Variants in P3H2 observed in about 807,000 individuals in gnomAD.
The protein encoded by P3H2 is prolyl 3-hydroxylase 2.
P3H2 carries 80 observed loss-of-function variants against 87.0 expected under a neutral mutation model. The observed-to-expected ratio is 0.92, with a 90% CI of 0.77 to 1.11. P3H2 has a LOEUF of 1.11. P3H2 is among the 50% of genes least tolerant of loss of function. The pLI, the probability that P3H2 is intolerant of heterozygous loss-of-function variation, is 0.00. For synonymous variants in P3H2, 367 were observed against 359.3 expected (o/e 1.02, Z -0.24); for missense variants, 1,001 against 923.9 (o/e 1.08, Z -1.08).
chr3:190,010,182 GTCA>G lies in P3H2; in HGVS notation c.481-14743_481-14741del, dbSNP rs10578177. 4.6e-3 allele frequency among the ~76,000 whole-genome samples: 706 copies of G among 152,214 alleles called. 14 individuals carry two copies. The highest frequency in any genetic ancestry group is 0.023 in the Admixed American group (350 of 15,300). On this transcript the variant is annotated intron_variant, in intron 1 of 14. Transcript: ENST00000319332. ...AGAATGTTAATATAAATAATCTTAA[GTCA>G]TCATCATGTGTAGACTGGGCAGATA...
intron 1 of P3H2, among the ~76,000 whole-genome samples, chr3:190,062,865 C>T (rs1026924613): frequency 1.4e-4 from 22 of 152,030 alleles, no homozygotes; most frequent in Non-Finnish European, 2.8e-4. Flanking sequence ...AAGACCCTGG[C>T]ATAATGAACT....
chr3:190,082,553 ATT>A (rs1727077206), intron 1 of P3H2, among the ~76,000 whole-genome samples: 1 of 152,172 alleles, frequency 6.6e-6, no homozygotes, highest in South Asian at 2.1e-4. Context: ...TTTATCTGTT[ATT>A]TGTGCTAGGA....
At position 190,092,408 on chromosome 3, in the gene P3H2, A is replaced by C. The variant is rs185756763; in HGVS notation, c.480+27844T>G. Among the ~76,000 whole-genome samples, 3 of 152,366 alleles carry C rather than the reference A, an allele frequency of 2.0e-5. No individual in the cohort carries two copies. In the East Asian group the frequency reaches 5.8e-4, roughly 29 times the overall value. On this transcript the variant is annotated intron_variant, in intron 1 of 14. Coordinates refer to ENST00000319332, the MANE Select transcript of P3H2 (RefSeq NM_018192.4). ...TTTGTCAATCTTTGGTTTGCTAAAA[A>C]GCAAAACCCTCCAAGAAGACAGTTG...
chr3:190,089,593 A>G (rs1727345032), intron 1 of P3H2, among the ~76,000 whole-genome samples: 1 of 152,188 alleles, frequency 6.6e-6, no homozygotes. Context: ...GTGGTCACAC[A>G]TACCTTATGC....
intron 1 of P3H2, among the ~76,000 whole-genome samples, chr3:190,044,569 A>C (rs1013631144): frequency 5.3e-5 from 8 of 152,352 alleles, no homozygotes; most frequent in Admixed American, 2.0e-4. Context: ...GGGACACTTC[A>C]TTAATTCTGC....
chr3:190,012,236 G>A (rs1724615482), intron 1 of P3H2, among the ~76,000 whole-genome samples: 1 of 128,722 alleles, frequency 7.8e-6, no homozygotes, highest in African/African-American at 2.7e-5. Context: ...GTGTGTGTGT[G>A]TGTGTAGTGG....
At chr3:189,964,731 C>A (rs188615925) in intron 13 of P3H2, among the ~76,000 whole-genome samples, 1 of 152,216 alleles carries the variant, frequency 6.6e-6, no homozygotes, top group African/African-American at 2.4e-5. Flanking sequence ...GAACACGACA[C>A]CCCTTGGAGT....
chr3:190,022,336 G>T (rs1724947858), intron 1 of P3H2, among the ~76,000 whole-genome samples: 1 of 135,274 alleles, frequency 7.4e-6, no homozygotes, highest in African/African-American at 2.6e-5. Flanking sequence ...CAGGGGTGGG[G>T]TGTGCATTCA....
At chr3:189,979,319 T>C (rs569911808) in intron 8 of P3H2, among the ~76,000 whole-genome samples, 2 of 151,850 alleles carry the variant, frequency 1.3e-5, no homozygotes, top group Non-Finnish European at 2.9e-5. Flanking sequence ...TCCTAGCTAC[T>C]TGGGAGGCTG....
At chr3:190,095,819 G>A (rs1393382978) in intron 1 of P3H2, among the ~76,000 whole-genome samples, 1 of 152,012 alleles carries the variant, frequency 6.6e-6, no homozygotes, top group African/African-American at 2.4e-5. Flanking sequence ...AGCCAGGATG[G>A]TCTCGATCTC....
chr3:190,001,695 T>G (rs1460170214), intron 1 of P3H2, among the ~76,000 whole-genome samples: 1 of 152,190 alleles, frequency 6.6e-6, no homozygotes, highest in Non-Finnish European at 1.5e-5. Context: ...AGCATGTATA[T>G]CACACTAAAC....
At chr3:189,961,991 C>T (rs1722829460) in intron 14 of P3H2, among the ~76,000 whole-genome samples, 3 of 151,726 alleles carry the variant, frequency 2.0e-5, no homozygotes, top group Admixed American at 2.0e-4. Flanking sequence ...GACATAGGTT[C>T]CTTAGTTTAA....
At chr3:190,076,952 A>G (rs1726893367) in intron 1 of P3H2, among the ~76,000 whole-genome samples, 1 of 152,228 alleles carries the variant, frequency 6.6e-6, no homozygotes, top group Admixed American at 6.5e-5. Flanking sequence ...ATGCTGGTTT[A>G]CACACAGTAC....
At chr3:190,004,669 A>G (rs1168760225) in intron 1 of P3H2, among the ~76,000 whole-genome samples, 1 of 152,208 alleles carries the variant, frequency 6.6e-6, no homozygotes, top group Non-Finnish European at 1.5e-5. Flanking sequence ...GGTGTGAGCC[A>G]CCGCGCCTGG....
intron 1 of P3H2, among the ~76,000 whole-genome samples, chr3:190,095,693 C>A (rs979463109): frequency 6.6e-6 from 1 of 151,338 alleles, no homozygotes; most frequent in Admixed American, 6.6e-5. Flanking sequence ...CTCCGCCTCC[C>A]GGGTTCACGC....
chr3:190,056,538 T>C (rs1011972311), intron 1 of P3H2, among the ~76,000 whole-genome samples: 3 of 152,250 alleles, frequency 2.0e-5, no homozygotes, highest in African/African-American at 7.2e-5. Context: ...GAATGTTTGA[T>C]AGGTGGACTC....
chr3:190,037,541 T>C (rs1357117979), intron 1 of P3H2, among the ~76,000 whole-genome samples: 1 of 152,176 alleles, frequency 6.6e-6, no homozygotes. Context: ...TCAATTCTTG[T>C]CCCTTGATGT....
At chr3:190,003,073 G>T (rs1724265535) in intron 1 of P3H2, among the ~76,000 whole-genome samples, 1 of 152,182 alleles carries the variant, frequency 6.6e-6, no homozygotes, top group Non-Finnish European at 1.5e-5. Context: ...ATGCAATTTG[G>T]TAAGGATTAA....
At chr3:190,110,826 G>A (rs1712042151) in intron 1 of P3H2, among the ~76,000 whole-genome samples, 1 of 152,198 alleles carries the variant, frequency 6.6e-6, no homozygotes, top group Admixed American at 6.5e-5. Context: ...TGTGCTTCCA[G>A]ATTTGTTAGA....
Sources: allele counts gnomAD v4.1 joint callset (sites outside exome capture counted in the v4.1 genomes callset), GRCh38; gene constraint gnomAD v4.1.1; transcripts MANE v1.5; gene names NCBI Gene and HGNC (gene_info 2026-07-23, HGNC 2026-07-21).